CDH13: variants seen among roughly 807,000 people sequenced by gnomAD.
CDH13 encodes the protein cadherin 13.
A neutral mutation model predicts 63.8 loss-of-function variants in CDH13; 24 were observed. That is an observed-to-expected ratio of 0.38 (90% CI 0.27 to 0.53). The LOEUF (loss-of-function observed/expected upper bound fraction) is 0.53, where lower values mean the gene tolerates loss of function less well. Ranked by LOEUF, CDH13 falls within the 20% of genes least tolerant of loss-of-function variation. The pLI, the probability that CDH13 is intolerant of heterozygous loss-of-function variation, is 0.85. For missense variants in CDH13, 1,049 were observed against 903.1 expected, an observed-to-expected ratio of 1.16 and a Z score of -2.07; for synonymous variants, 503 against 355.3, an observed-to-expected ratio of 1.42 and a Z score of -4.67.
chr16:83,043,998 G>A (rs1917560816), intron 3 of CDH13, among the ~76,000 whole-genome samples: 1 of 152,140 alleles, frequency 6.6e-6, no homozygotes, highest in Non-Finnish European at 1.5e-5. Context: ...GAATAGCTAA[G>A]GATTAGATAG....
intron 3 of CDH13, among the ~76,000 whole-genome samples, chr16:83,073,944 AT>A (rs1047931108): frequency 3.3e-5 from 5 of 152,292 alleles, no homozygotes; most frequent in Middle Eastern, 3.4e-3. Context: ...AAGTCAGGGA[AT>A]TTAGAATATC....
chr16:83,030,008 A>C (rs762927999), intron 2 of CDH13, among the ~76,000 whole-genome samples: 5 of 152,274 alleles, frequency 3.3e-5, no homozygotes, highest in African/African-American at 9.6e-5. Context: ...GAGTTGTGAT[A>C]CCCATAATAA....
chr16:83,434,212 A>G (rs1225888490), intron 6 of CDH13, among the ~76,000 whole-genome samples: 1 of 152,170 alleles, frequency 6.6e-6, no homozygotes, highest in Non-Finnish European at 1.5e-5. Flanking sequence ...ACTCTGCTCC[A>G]GTTTCAAGAT....
intron 2 of CDH13, among the ~76,000 whole-genome samples, chr16:82,908,118 C>G (rs1464529494): frequency 1.3e-5 from 2 of 151,852 alleles, no homozygotes; most frequent in African/African-American, 4.8e-5. Flanking sequence ...AGAGAAGAAG[C>G]TTGAGGAAAG....
At chr16:83,029,314 G>T (rs1474528096) in intron 2 of CDH13, among the ~76,000 whole-genome samples, 1 of 152,150 alleles carries the variant, frequency 6.6e-6, no homozygotes, top group African/African-American at 2.4e-5. Context: ...GGCTTTAACA[G>T]TGTGCTAGGA....
intron 3 of CDH13, among the ~76,000 whole-genome samples, chr16:83,102,949 T>TTTTTTTTTTTTTTTTTTTTTTTTTC (rs2034567139): frequency 2.2e-5 from 1 of 45,324 alleles, no homozygotes; most frequent in African/African-American, 7.7e-5. Context: ...TTTCTTTTTC[T>TTTTTTTTTTTTTTTTTTTTTTTTTC]TTTTTTTTTT....
At chr16:82,861,033 C>G (rs1276755411) in intron 2 of CDH13, among the ~76,000 whole-genome samples, 2 of 152,282 alleles carry the variant, frequency 1.3e-5, no homozygotes, top group East Asian at 3.9e-4. Context: ...AGTGTGCTAT[C>G]AAATTGAAGA....
intron 5 of CDH13, among the ~76,000 whole-genome samples, chr16:83,255,167 A>T (rs1000501384): frequency 1.3e-5 from 2 of 152,182 alleles, no homozygotes; most frequent in Non-Finnish European, 2.9e-5. Context: ...ACTATTGAAA[A>T]GGCTGAGAAT....
At chr16:83,361,762 C>T (rs1440145974) in intron 6 of CDH13, among the ~76,000 whole-genome samples, 2 of 152,016 alleles carry the variant, frequency 1.3e-5, no homozygotes, top group East Asian at 1.9e-4. Flanking sequence ...CTTCTCAGTT[C>T]TTTATTCTGT....
chr16:83,429,323 G>A (rs1029875499), intron 6 of CDH13, among the ~76,000 whole-genome samples: 1 of 152,116 alleles, frequency 6.6e-6, no homozygotes, highest in African/African-American at 2.4e-5. Context: ...TCCTCATGAG[G>A]TACAGGGGAC....
Position 83,505,548 on chromosome 16 carries a change from T to G in CDH13, c.960+18893T>G, listed in dbSNP as rs920959166. Among the ~76,000 whole-genome samples the G allele has an allele frequency of 1.9e-4, 28 of 147,966 alleles. 3 individuals are homozygous for G. The highest frequency in any genetic ancestry group is 1.6e-3 in the East Asian group (8 of 5,098). On this transcript the variant is annotated intron_variant, in intron 7 of 13. Transcript: ENST00000567109. ...GATTAATCCTTTTTTTTTTTTTTTT[T>G]TTTTTTTTTTTGAGAAGGAGTTTTT... is the stretch of plus-strand genomic sequence containing the variant.
intron 2 of CDH13, among the ~76,000 whole-genome samples, chr16:82,860,751 A>G (rs2039911829): frequency 1.3e-5 from 2 of 152,206 alleles, no homozygotes; most frequent in African/African-American, 2.4e-5. Context: ...TGGTGCCTAA[A>G]TGAGGAAGAA....
intron 2 of CDH13, among the ~76,000 whole-genome samples, chr16:82,872,537 G>T (rs766196054): frequency 3.3e-5 from 5 of 152,198 alleles, no homozygotes; most frequent in Non-Finnish European, 7.3e-5. Flanking sequence ...ATTAAGCATA[G>T]CTTTAAATAG....
intron 8 of CDH13, among the ~76,000 whole-genome samples, chr16:83,626,629 A>T (rs1461158204): frequency 6.7e-6 from 1 of 149,674 alleles, no homozygotes; most frequent in Non-Finnish European, 1.5e-5. Flanking sequence ...TGGCAACTGA[A>T]CTCAACGTTG....
chr16:82,768,260 C>A (rs761038778), intron 1 of CDH13, among the ~76,000 whole-genome samples: 1 of 152,192 alleles, frequency 6.6e-6, no homozygotes, highest in Non-Finnish European at 1.5e-5. Context: ...CTGCAGTGGC[C>A]TGACTGTGCA....
chr16:83,165,221 C>T (rs1247776876), intron 4 of CDH13, among the ~76,000 whole-genome samples: 1 of 152,098 alleles, frequency 6.6e-6, no homozygotes, highest in Non-Finnish European at 1.5e-5. Context: ...GGGGACATCT[C>T]AGTAGAGTAT....
rs371139000 is a variant in CDH13 at position 83,430,692 on chromosome 16, A to T, written c.782-55785A>T. ...TGAAATTGTAAGAAAGTTCTTTCTC[A>T]ACAAGGATCTGAAATTATTCCTATA... On this transcript the variant is annotated intron_variant, in intron 6 of 13. Coordinates refer to ENST00000567109, the MANE Select transcript of CDH13 (RefSeq NM_001257.5). Among the ~76,000 whole-genome samples, 92 of 152,328 alleles carry T rather than the reference A, an allele frequency of 6.0e-4. 1 individual carries two copies. The highest frequency in any genetic ancestry group is 2.1e-3 in the African/African-American group (89 of 41,584).
chr16:83,191,894 C>G (rs1003496581), intron 4 of CDH13, among the ~76,000 whole-genome samples: 1 of 152,090 alleles, frequency 6.6e-6, no homozygotes, highest in African/African-American at 2.4e-5. Flanking sequence ...TGGCATGATC[C>G]TCACAGACAC....
At chr16:83,557,092 C>G (rs2075619519) in intron 7 of CDH13, among the ~76,000 whole-genome samples, 1 of 152,176 alleles carries the variant, frequency 6.6e-6, no homozygotes, top group Admixed American at 6.5e-5. Context: ...CTGAGCTCCT[C>G]CTCCTGTCAG....
Sources: gnomAD v4.1 joint callset for allele counts (sites outside exome capture counted in the v4.1 genomes callset) on GRCh38, gnomAD v4.1.1 for gene constraint, MANE v1.5 for transcripts, NCBI Gene and HGNC (gene_info 2026-07-23, HGNC 2026-07-21) for gene names.